AMOTL1: variants seen among roughly 807,000 people sequenced by gnomAD.
AMOTL1 encodes the protein angiomotin-like protein 1.
Under a neutral mutation model 102.9 loss-of-function variants are expected in AMOTL1, and 45 were observed. The observed-to-expected ratio is 0.44, with a 90% CI of 0.34 to 0.56. AMOTL1 has a LOEUF of 0.56. AMOTL1 is among the 20% of genes least tolerant of loss of function. The pLI, the probability that AMOTL1 is intolerant of heterozygous loss-of-function variation, is 0.01. For synonymous variants in AMOTL1, 481 were observed against 484.7 expected (o/e 0.99, Z 0.10); for missense variants, 1,114 against 1,225.6 (o/e 0.91, Z 1.36).
intron 3 of AMOTL1, among the ~76,000 whole-genome samples, chr11:94,750,777 G>A (rs1950643699): frequency 6.6e-6 from 1 of 152,198 alleles, no homozygotes; most frequent in Admixed American, 6.5e-5. Context: ...TACCACGGGG[G>A]TGTGGTTTGG....
chr11:94,804,825 G>C (rs571512047), intron 3 of AMOTL1, among the ~76,000 whole-genome samples: 1 of 152,344 alleles, frequency 6.6e-6, no homozygotes, highest in East Asian at 1.9e-4. Flanking sequence ...TAGCAGGTGA[G>C]AATGGAGTAG....
chr11:94,723,511 G>A (rs543185250), intron 1 of AMOTL1, among the ~76,000 whole-genome samples: 173 of 152,130 alleles, frequency 1.1e-3, no homozygotes, highest in Middle Eastern at 3.4e-3. Flanking sequence ...ATTATTTATT[G>A]GAATATTTAA....
intron 2 of AMOTL1, among the ~76,000 whole-genome samples, chr11:94,736,403 C>T (rs1265405874): frequency 6.6e-6 from 1 of 152,146 alleles, no homozygotes; most frequent in Non-Finnish European, 1.5e-5. Context: ...AGGCACCTGC[C>T]TCCACACCCA....
intron 9 of AMOTL1, among the ~76,000 whole-genome samples, chr11:94,860,037 T>A (rs1209848830): frequency 6.6e-6 from 1 of 152,154 alleles, no homozygotes; most frequent in Non-Finnish European, 1.5e-5. Context: ...TAACATAGCC[T>A]AGATTTCAAC....
chr11:94,873,070 T>G lies in AMOTL1; in HGVS notation c.*2275T>G, dbSNP rs1238211445. ...CCACCCCAAACTTGGGCTGCCTCCC[T>G]TAGACATAGGTTAGAGTGAGAGACC... is the stretch of plus-strand genomic sequence containing the variant. On this transcript the variant is annotated 3_prime_UTR_variant, in exon 13 of 13. Transcript: ENST00000433060. The G allele has an allele frequency of 6.6e-6, 1 of 152,154 alleles. No homozygotes were observed. Among genetic ancestry groups the G allele is most frequent in the East Asian group, 1.9e-4 (1 of 5,186 alleles). The allele number at this position is 152,154 out of a possible 1,614,324, so 9.4% of individuals were successfully genotyped here. A position where few individuals can be genotyped will look rare whatever the true frequency, so the allele number is the denominator to read the frequency against.
chr11:94,802,811 A>G (rs1419202349), intron 3 of AMOTL1, among the ~76,000 whole-genome samples: 2 of 152,216 alleles, frequency 1.3e-5, no homozygotes, highest in African/African-American at 4.8e-5. Flanking sequence ...TGCTTCAGAC[A>G]CATTTAACGT....
At chr11:94,740,048 A>G (rs1950495707) in intron 2 of AMOTL1, among the ~76,000 whole-genome samples, 1 of 152,176 alleles carries the variant, frequency 6.6e-6, no homozygotes. Flanking sequence ...GATGTCACGC[A>G]TAAATTAACA....
chr11:94,739,502 A>G (rs918252659), intron 2 of AMOTL1, among the ~76,000 whole-genome samples: 7 of 152,160 alleles, frequency 4.6e-5, no homozygotes, highest in Non-Finnish European at 1.0e-4. Flanking sequence ...TAAACCAAAA[A>G]CTGACAGTGG....
intron 7 of AMOTL1, among the ~76,000 whole-genome samples, chr11:94,850,675 A>C (rs1952517147): frequency 6.6e-6 from 1 of 152,226 alleles, no homozygotes; most frequent in Non-Finnish European, 1.5e-5. Flanking sequence ...CAAGGAATCC[A>C]GGCTATAGAT....
At chr11:94,724,229 A>C (rs1402526149) in intron 1 of AMOTL1, among the ~76,000 whole-genome samples, 1 of 152,126 alleles carries the variant, frequency 6.6e-6, no homozygotes, top group Admixed American at 6.5e-5. Context: ...TTCCTGACTC[A>C]CTGAAGAAGG....
intron 3 of AMOTL1, among the ~76,000 whole-genome samples, chr11:94,745,840 T>C (rs1950583973): frequency 6.6e-6 from 1 of 152,224 alleles, no homozygotes; most frequent in African/African-American, 2.4e-5. Context: ...CACCTACTAA[T>C]CAAGCGGTTT....
chr11:94,791,057 A>G (rs1256968063), intron 1 of AMOTL1, among the ~76,000 whole-genome samples: 1 of 152,222 alleles, frequency 6.6e-6, no homozygotes, highest in Non-Finnish European at 1.5e-5. Context: ...CCTCTGTTAC[A>G]AAGAAAGCAA....
intron 3 of AMOTL1, among the ~76,000 whole-genome samples, chr11:94,747,838 A>C (rs369982987): frequency 6.6e-6 from 1 of 152,210 alleles, no homozygotes; most frequent in Non-Finnish European, 1.5e-5. Flanking sequence ...AGGTAAGTGA[A>C]TCAGGTGAGC....
chr11:94,817,981 A>G (rs927319815), intron 3 of AMOTL1, among the ~76,000 whole-genome samples: 1 of 152,138 alleles, frequency 6.6e-6, no homozygotes, highest in Admixed American at 6.6e-5. Context: ...GGGCAGCTAC[A>G]CTCCTGTGAG....
intron 1 of AMOTL1, among the ~76,000 whole-genome samples, chr11:94,776,422 A>T (rs1260534320): frequency 6.6e-6 from 1 of 152,234 alleles, no homozygotes; most frequent in Non-Finnish European, 1.5e-5. Flanking sequence ...AGCCACTCAC[A>T]TAACAGGTCT....
intron 1 of AMOTL1, among the ~76,000 whole-genome samples, chr11:94,724,513 G>A (rs1950224391): frequency 6.6e-6 from 1 of 152,108 alleles, no homozygotes; most frequent in Non-Finnish European, 1.5e-5. Flanking sequence ...GCAAGAGTTG[G>A]ACTAAAGGCC....
At chr11:94,785,892 T>C (rs959225780) in intron 1 of AMOTL1, among the ~76,000 whole-genome samples, 2 of 152,210 alleles carry the variant, frequency 1.3e-5, no homozygotes, top group Non-Finnish European at 2.9e-5. Flanking sequence ...TCAAAAAATA[T>C]TAAGTACTTA....
intron 8 of AMOTL1, among the ~76,000 whole-genome samples, chr11:94,858,809 A>T (rs555674461): frequency 6.6e-6 from 1 of 152,342 alleles, no homozygotes; most frequent in African/African-American, 2.4e-5. Context: ...ACCTAATTAA[A>T]GGAAAAAGAT....
At chr11:94,750,594 G>A (rs921950497) in intron 3 of AMOTL1, among the ~76,000 whole-genome samples, 10 of 152,232 alleles carry the variant, frequency 6.6e-5, no homozygotes, top group Middle Eastern at 3.4e-3. Flanking sequence ...TGACAGGGGC[G>A]TCCCTATCCC....
Sources: gnomAD v4.1 joint callset for allele counts (sites outside exome capture counted in the v4.1 genomes callset) on GRCh38, gnomAD v4.1.1 for gene constraint, MANE v1.5 for transcripts, NCBI Gene and HGNC (gene_info 2026-07-23, HGNC 2026-07-21) for gene names.